PLCL2: variants seen among roughly 807,000 people sequenced by gnomAD.
PLCL2 encodes inactive phospholipase C-like protein 2.
PLCL2 carries 4 observed loss-of-function variants against 79.6 expected under a neutral mutation model. The observed-to-expected ratio is 0.05, with a 90% CI of 0.02 to 0.11. The LOEUF is 0.11. Among genes scored for constraint, PLCL2 ranks in the 10% least tolerant of loss-of-function variants. The pLI is 1.00. For synonymous variants in PLCL2, 484 were observed against 457.7 expected (o/e 1.06, Z -0.73); for missense variants, 895 against 1,291.0 (o/e 0.69, Z 4.70).
chr3:17,030,633 C>T (rs532735094), intron 3 of PLCL2, among the ~76,000 whole-genome samples: 3 of 152,190 alleles, frequency 2.0e-5, no homozygotes, highest in Admixed American at 6.5e-5. Context: ...TCAGGAAGAA[C>T]GCCACACCTG....
At chr3:16,927,415 A>AT (rs1240184421) in intron 1 of PLCL2, among the ~76,000 whole-genome samples, 1 of 152,256 alleles carries the variant, frequency 6.6e-6, no homozygotes, top group Non-Finnish European at 1.5e-5. Context: ...GTTAGCAAAC[A>AT]TTCTGATCAA....
At chr3:16,904,366 A>C (rs926400066) in intron 1 of PLCL2, among the ~76,000 whole-genome samples, 2 of 151,180 alleles carry the variant, frequency 1.3e-5, no homozygotes, top group African/African-American at 4.9e-5. Context: ...CTGGTTTTCT[A>C]GAGAACCGGT....
Position 17,009,589 on chromosome 3 carries a change from T to A in PLCL2, c.328-85T>A, listed in dbSNP as rs28498854. The A allele has an allele frequency of 0.2, 137,548 of 694,842 alleles. 14,621 individuals carry two copies. Among genetic ancestry groups the A allele is most frequent in the Admixed American group, 0.25 (8,553 of 33,550 alleles). The allele number at this position is 694,842 out of a possible 1,614,324, so 43.0% of individuals were successfully genotyped here. A position where few individuals can be genotyped will look rare whatever the true frequency, so the allele number is the denominator to read the frequency against. On this transcript the variant is annotated intron_variant, in intron 1 of 5. Coordinates refer to ENST00000615277, the MANE Select transcript of PLCL2 (RefSeq NM_001144382.2). The surrounding 1 kb of genome is among the most constrained non-coding windows in gnomAD (Gnocchi z 4.0). ...AAATCTTAATAGTATGATTTTTTTC[T>A]AGGAAATTAAATTTCTATTCATAAT...
intron 3 of PLCL2, among the ~76,000 whole-genome samples, chr3:17,020,817 T>C (rs1034532974): frequency 6.6e-6 from 1 of 152,192 alleles, no homozygotes; most frequent in African/African-American, 2.4e-5. Context: ...AAGGTTTTTT[T>C]CCTTACACAG....
At chr3:16,942,736 C>T in intron 1 of PLCL2, among the ~76,000 whole-genome samples, 1 of 152,148 alleles carries the variant, frequency 6.6e-6, no homozygotes, top group Non-Finnish European at 1.5e-5. Context: ...CCCATTCCTC[C>T]CTTCCACCTC....
chr3:16,905,264 CTTCTTTACACAT>C (rs1696724214), intron 1 of PLCL2, among the ~76,000 whole-genome samples: 1 of 152,138 alleles, frequency 6.6e-6, no homozygotes, highest in Non-Finnish European at 1.5e-5. Flanking sequence ...GATTTTCACA[CTTCTTTACACAT>C]GCTATCCTAG....
At chr3:16,975,593 G>A (rs1349276274) in intron 1 of PLCL2, among the ~76,000 whole-genome samples, 1 of 152,134 alleles carries the variant, frequency 6.6e-6, no homozygotes. Flanking sequence ...TCTAGGTCAT[G>A]GTGATGCTCA....
At chr3:17,034,864 T>G (rs901607622) in intron 3 of PLCL2, among the ~76,000 whole-genome samples, 16 of 151,726 alleles carry the variant, frequency 1.1e-4, no homozygotes, top group African/African-American at 3.2e-4. Context: ...TTACTCAAGA[T>G]CACCAAATGA....
chr3:17,046,285 A>G (rs1342756716), intron 4 of PLCL2, among the ~76,000 whole-genome samples: 1 of 152,224 alleles, frequency 6.6e-6, no homozygotes, highest in Non-Finnish European at 1.5e-5. Flanking sequence ...AGATTTGTCA[A>G]ATTCTTTCAG....
intron 3 of PLCL2, among the ~76,000 whole-genome samples, chr3:17,030,041 A>G (rs2064564278): frequency 6.6e-6 from 1 of 152,118 alleles, no homozygotes. Flanking sequence ...AGCCCCTGCT[A>G]ATGAGCTAGC....
intron 1 of PLCL2, among the ~76,000 whole-genome samples, chr3:16,962,419 C>A (rs969524314): frequency 2.4e-5 from 3 of 127,148 alleles, no homozygotes; most frequent in Non-Finnish European, 5.1e-5. Flanking sequence ...CATCCAGGAG[C>A]TTTCTTTTTT....
intron 1 of PLCL2, among the ~76,000 whole-genome samples, chr3:16,942,598 A>G (rs1409150742): frequency 4.6e-5 from 7 of 152,196 alleles, no homozygotes; most frequent in Non-Finnish European, 1.0e-4. Context: ...ACATGACTCT[A>G]TCACGCTTGC....
chr3:17,077,166 C>T (rs1021227348), intron 5 of PLCL2, among the ~76,000 whole-genome samples: 8 of 152,176 alleles, frequency 5.3e-5, no homozygotes, highest in Admixed American at 2.0e-4. Flanking sequence ...AAGCTGGACA[C>T]GGTTGTTTGT....
chr3:16,992,420 C>G (rs1056568721), intron 1 of PLCL2, among the ~76,000 whole-genome samples: 1 of 152,212 alleles, frequency 6.6e-6, no homozygotes, highest in Non-Finnish European at 1.5e-5. Context: ...CTCCACAGTG[C>G]TCACCACACC....
At chr3:16,950,031 G>T (rs1010006268) in intron 1 of PLCL2, among the ~76,000 whole-genome samples, 2 of 152,172 alleles carry the variant, frequency 1.3e-5, no homozygotes, top group Non-Finnish European at 2.9e-5. Flanking sequence ...CCAGTATCAT[G>T]ATGTTTTAAT....
At chr3:16,952,325 C>G (rs558374496) in intron 1 of PLCL2, among the ~76,000 whole-genome samples, 21 of 125,304 alleles carry the variant, frequency 1.7e-4, no homozygotes, top group African/African-American at 6.3e-4. Context: ...TGTAGCAAAC[C>G]TGCACGTTCT....
At chr3:17,080,970 T>C (rs1156684110) in intron 5 of PLCL2, among the ~76,000 whole-genome samples, 1 of 152,218 alleles carries the variant, frequency 6.6e-6, no homozygotes, top group African/African-American at 2.4e-5. Context: ...GTTTAGTTTA[T>C]CCAACAGGAA....
intron 4 of PLCL2, among the ~76,000 whole-genome samples, chr3:17,065,225 T>TA (rs2064997377): frequency 6.6e-6 from 1 of 152,178 alleles, no homozygotes; most frequent in Admixed American, 6.5e-5. Context: ...AATAGACTTG[T>TA]AAAATATGAG....
chr3:17,038,896 G>A (rs188250263), intron 3 of PLCL2, among the ~76,000 whole-genome samples: 3 of 152,216 alleles, frequency 2.0e-5, no homozygotes, highest in Admixed American at 2.0e-4. Context: ...GAAAAGCAGA[G>A]GCTTCAAGAC....
Sources: allele counts gnomAD v4.1 joint callset (sites outside exome capture counted in the v4.1 genomes callset), GRCh38; gene constraint gnomAD v4.1.1; non-coding constraint Gnocchi (gnomAD v3.1); transcripts MANE v1.5; gene names NCBI Gene and HGNC (gene_info 2026-07-23, HGNC 2026-07-21).